ARID1B: variants seen among roughly 807,000 people sequenced by gnomAD.
ARID1B encodes the protein AT-rich interactive domain-containing protein 1B.
ARID1B carries 30 observed loss-of-function variants against 212.3 expected under a neutral mutation model. The observed-to-expected ratio is 0.14, with a 90% CI of 0.11 to 0.19. ARID1B has a LOEUF of 0.19. ARID1B is among the 10% of genes least tolerant of loss of function. ARID1B has a pLI of 1.00. For missense variants in ARID1B, 2,891 were observed against 3,204.0 expected (o/e 0.90, Z 2.36); for synonymous variants, 1,402 against 1,301.7 (o/e 1.08, Z -1.66).
At chr6:156,779,544 T>C (rs1779044236) in intron 1 of ARID1B, 73 bp downstream of exon 1, 3 of 1,184,954 alleles carry the variant, frequency 2.5e-6, no homozygotes, top group Middle Eastern at 2.9e-4. Flanking sequence ...TTTCTTTCTT[T>C]GCCGCGTACT....
At chr6:157,155,146 T>A (rs1790494965) in intron 8 of ARID1B, among the ~76,000 whole-genome samples, 1 of 152,206 alleles carries the variant, frequency 6.6e-6, no homozygotes, top group Admixed American at 6.5e-5. Context: ...AGAGTTAGAT[T>A]GTTTCCAGAG....
intron 11 of ARID1B, among the ~76,000 whole-genome samples, 196 bp from the exon 12 acceptor site, chr6:157,180,773 A>T (rs898936755): frequency 3.3e-5 from 5 of 152,226 alleles, no homozygotes; most frequent in Non-Finnish European, 7.3e-5. Context: ...TATTTAAAGT[A>T]AAAGTAAATT....
In ARID1B at chr6:156,901,358, T is replaced by C; in HGVS notation, c.1987-18T>C. The C allele has an allele frequency of 6.2e-7, 1 of 1,614,194 alleles. No homozygotes were observed. The highest frequency in any genetic ancestry group is 8.5e-7 in the Non-Finnish European group (1 of 1,180,030). On this transcript the variant is annotated intron_variant, in intron 2 of 19. Transcript: ENST00000636930. ...CACATTTTGACTTTCTCATTTGCTT[T>C]GCTTGACTTTTTGACAGATGCCACC...
intron 2 of ARID1B, among the ~76,000 whole-genome samples, chr6:156,835,984 A>G (rs1055716464): frequency 1.3e-5 from 2 of 152,160 alleles, no homozygotes; most frequent in Non-Finnish European, 2.9e-5. Flanking sequence ...TTTAGGTAGC[A>G]CTGAATGAGT....
At chr6:156,906,819 C>T (rs1231992923) in intron 3 of ARID1B, among the ~76,000 whole-genome samples, 1 of 152,160 alleles carries the variant, frequency 6.6e-6, no homozygotes, top group Non-Finnish European at 1.5e-5. Context: ...TCTTTTATAA[C>T]ATTCTTCAAA....
Position 156,825,063 on chromosome 6 carries a change from C to T in ARID1B, c.1792-4164C>T, listed in dbSNP as rs187379789. ...GTATTTTAGTGGAGACAGGATTTCA[C>T]CGTGTTGCTCAGGCTGGTCTTGAAC... On this transcript the variant is annotated intron_variant, in intron 1 of 19. Transcript: ENST00000636930. Among the ~76,000 whole-genome samples, 557 of 152,178 alleles carry T rather than the reference C, an allele frequency of 3.7e-3. 1 individual carries two copies. Among genetic ancestry groups the T allele is most frequent in the Middle Eastern group, 6.8e-3 (2 of 294 alleles).
intron 9 of ARID1B, chr6:157,169,584 T>C (rs192005625): frequency 6.6e-6 from 1 of 152,382 alleles, no homozygotes; most frequent in African/African-American, 2.4e-5. Context: ...GTTAGAATTA[T>C]GTATTACTGT....
At chr6:157,035,317 A>G (rs1781262874) in intron 4 of ARID1B, among the ~76,000 whole-genome samples, 1 of 152,234 alleles carries the variant, frequency 6.6e-6, no homozygotes, top group African/African-American at 2.4e-5. Flanking sequence ...TATGATCTAT[A>G]TGTGTAATTC....
chr6:156,867,170 A>T (rs1228603654), intron 2 of ARID1B, among the ~76,000 whole-genome samples: 1 of 152,208 alleles, frequency 6.6e-6, no homozygotes. Flanking sequence ...TGGACCTACT[A>T]AAGGGTAGCA....
chr6:156,934,961 T>TATAG (rs1235681331), intron 3 of ARID1B, among the ~76,000 whole-genome samples: 13 of 90,440 alleles, frequency 1.4e-4, no homozygotes, highest in African/African-American at 5.7e-4. Context: ...TATATATATA[T>TATAG]AGTTTATATT....
intron 4 of ARID1B, chr6:156,939,626 G>C (rs1792515159): frequency 6.6e-6 from 1 of 152,096 alleles, no homozygotes; most frequent in African/African-American, 2.4e-5. Flanking sequence ...GGCTCTCGGG[G>C]CACCTGTGCT....
chr6:157,114,124 T>G (rs1787145196), intron 6 of ARID1B, among the ~76,000 whole-genome samples: 2 of 152,208 alleles, frequency 1.3e-5, no homozygotes, highest in Admixed American at 1.3e-4. Flanking sequence ...GAAAGTAACT[T>G]AACTTTGTTT....
At chr6:157,143,190 G>T (rs1789494086) in intron 7 of ARID1B, among the ~76,000 whole-genome samples, 1 of 152,138 alleles carries the variant, frequency 6.6e-6, no homozygotes, top group African/African-American at 2.4e-5. Context: ...AAAACTGTGG[G>T]TCCTTGGACT....
chr6:157,208,028 A>G lies in ARID1B; in HGVS notation c.*137A>G. 1 of 888,718 alleles carries G rather than the reference A, an allele frequency of 1.1e-6. No individual in the cohort carries two copies. Among genetic ancestry groups the G allele is most frequent in the Non-Finnish European group, 1.6e-6 (1 of 643,762 alleles). 55.1% of individuals were successfully genotyped at this position (888,718 alleles called of 1,614,324 possible). On this transcript the variant is annotated 3_prime_UTR_variant, in exon 20 of 20. Coordinates refer to ENST00000636930, the MANE Select transcript of ARID1B (RefSeq NM_001374828.1). ...CCTCTGCCCCATTCACTATTTACCA[A>G]TTGGGAATTAAAGAAATAATTAATT... is the stretch of plus-strand genomic sequence containing the variant.
intron 4 of ARID1B, among the ~76,000 whole-genome samples, chr6:157,051,759 G>A (rs1274974802): frequency 6.6e-6 from 1 of 152,166 alleles, no homozygotes. Context: ...CAGGATCTGA[G>A]GCAGTTGGTA....
At chr6:157,186,514 C>T (rs1442422852) in intron 13 of ARID1B, 2 of 471,210 alleles carry the variant, frequency 4.2e-6, no homozygotes, top group Middle Eastern at 3.2e-4. Flanking sequence ...CCTCTCGATT[C>T]ACTGCCACCC....
At chr6:156,844,878 AT>A (rs1163167953) in intron 2 of ARID1B, among the ~76,000 whole-genome samples, 1 of 152,052 alleles carries the variant, frequency 6.6e-6, no homozygotes, top group Non-Finnish European at 1.5e-5. Context: ...ACTGCCCATT[AT>A]TTTACGTTTT....
chr6:157,039,642 C>CTTCCTTCCTTCTTTCT (rs1781609551), intron 4 of ARID1B, among the ~76,000 whole-genome samples: 1 of 122,576 alleles, frequency 8.2e-6, no homozygotes, highest in African/African-American at 3.4e-5. Flanking sequence ...TCCTTCCTTC[C>CTTCCTTCCTTCTTTCT]TTCTTTCCTT....
intron 2 of ARID1B, among the ~76,000 whole-genome samples, chr6:156,890,941 T>C (rs1426207263): frequency 6.6e-6 from 1 of 152,218 alleles, no homozygotes; most frequent in Non-Finnish European, 1.5e-5. Flanking sequence ...AAGATTTATT[T>C]TTCTTCTTAA....
Sources: allele counts gnomAD v4.1 joint callset (sites outside exome capture counted in the v4.1 genomes callset), GRCh38; gene constraint gnomAD v4.1.1; transcripts MANE v1.5; gene names NCBI Gene and HGNC (gene_info 2026-07-23, HGNC 2026-07-21).